Variants in PACRG observed in about 807,000 individuals in gnomAD.
PACRG encodes the protein parkin coregulated.
In PACRG, 29 loss-of-function variants were observed where a neutral mutation model predicts 29.7. The observed-to-expected ratio is 0.98, with a 90% CI of 0.73 to 1.33. The LOEUF is 1.33. Among genes scored for constraint, PACRG ranks in the 40% most tolerant of loss-of-function variants. The probability of loss-of-function intolerance (pLI) is 0.00; values close to 1 mark genes in which losing one functional copy is unlikely to be tolerated. For missense variants in PACRG, 279 were observed against 316.2 expected (o/e 0.88, Z 0.89); for synonymous variants, 116 against 118.7 (o/e 0.98, Z 0.15).
intron 4 of PACRG, among the ~76,000 whole-genome samples, chr6:163,313,473 A>G (rs923642736): frequency 1.1e-4 from 17 of 152,200 alleles, no homozygotes; most frequent in Non-Finnish European, 2.4e-4. Flanking sequence ...TGTGCTGTGT[A>G]GGATTGTAAT....
chr6:163,287,249 C>T (rs1784433740), intron 4 of PACRG, among the ~76,000 whole-genome samples: 1 of 152,130 alleles, frequency 6.6e-6, no homozygotes, highest in Non-Finnish European at 1.5e-5. Flanking sequence ...TTTGGTGTTC[C>T]TTGCAGGTCA....
intron 4 of PACRG, among the ~76,000 whole-genome samples, chr6:163,149,427 G>A (rs1162629692): frequency 6.6e-6 from 1 of 152,148 alleles, no homozygotes; most frequent in African/African-American, 2.4e-5. Context: ...GTGCGGCCTC[G>A]CCCTCCTTCC....
intron 4 of PACRG, among the ~76,000 whole-genome samples, chr6:163,254,104 G>A (rs1036898634): frequency 6.6e-6 from 1 of 152,180 alleles, no homozygotes; most frequent in Non-Finnish European, 1.5e-5. Flanking sequence ...TTGGGCATCG[G>A]GACAGCAGCA....
intron 1 of PACRG, among the ~76,000 whole-genome samples, chr6:162,731,853 T>C (rs1314378153): frequency 6.6e-6 from 1 of 152,106 alleles, no homozygotes; most frequent in Non-Finnish European, 1.5e-5. Flanking sequence ...ATAGCTTAAT[T>C]AAGATGGAAG....
At chr6:162,943,989 G>A (rs775636106) in intron 2 of PACRG, among the ~76,000 whole-genome samples, 24 of 152,250 alleles carry the variant, frequency 1.6e-4, no homozygotes, top group Middle Eastern at 3.4e-3. Context: ...AGCTGGCACC[G>A]GAGAAAGCCA....
intron 2 of PACRG, among the ~76,000 whole-genome samples, chr6:162,925,758 A>G (rs970834732): frequency 6.6e-6 from 1 of 152,150 alleles, no homozygotes; most frequent in African/African-American, 2.4e-5. Flanking sequence ...CAAGACAAGG[A>G]TGCCTTCTCT....
chr6:163,206,430 T>C (rs1780905895), intron 4 of PACRG, among the ~76,000 whole-genome samples: 1 of 152,086 alleles, frequency 6.6e-6, no homozygotes, highest in Non-Finnish European at 1.5e-5. Flanking sequence ...AGAGCTTTTA[T>C]CCTAAGCAAG....
intron 1 of PACRG, among the ~76,000 whole-genome samples, chr6:162,738,773 A>C (rs1272830861): frequency 6.6e-6 from 1 of 152,184 alleles, no homozygotes; most frequent in Non-Finnish European, 1.5e-5. Context: ...CTTTGTAAAC[A>C]TTATTTTCCC....
chr6:163,144,347 T>TAC (rs34737289), intron 4 of PACRG, among the ~76,000 whole-genome samples: 4,138 of 93,870 alleles, frequency 0.044, 122 homozygotes, highest in African/African-American at 0.083. Flanking sequence ...CACACATACA[T>TAC]ACACACACAC....
chr6:162,914,895 A>T (rs1796601152), intron 2 of PACRG, among the ~76,000 whole-genome samples: 1 of 152,190 alleles, frequency 6.6e-6, no homozygotes, highest in East Asian at 1.9e-4. Context: ...AAAATCTTGC[A>T]TCTTGCAGAT....
At chr6:163,135,818 C>T (rs1163970252) in intron 4 of PACRG, among the ~76,000 whole-genome samples, 1 of 152,210 alleles carries the variant, frequency 6.6e-6, no homozygotes, top group African/African-American at 2.4e-5. Context: ...TGCCCAACAT[C>T]TGAATCCTTG....
In PACRG at chr6:163,089,340, T is replaced by G; in HGVS notation, c.545T>G (p.Val182Gly). 1 of 1,614,184 alleles carries G rather than the reference T, an allele frequency of 6.2e-7. No individual in the cohort carries two copies. Reference protein sequence around the residue: ...LQHLVVSAEMVGKALVPYYRQ... With the variant: ...LQHLVVSAEMGGKALVPYYRQ... ...CATCTGGTTGTGTCAGCTGAGATGGTGGGCAAGGCCTTGGTGCCTTATTAC... is the reference window on the plus strand; with the variant it reads ...CATCTGGTTGTGTCAGCTGAGATGGGGGGCAAGGCCTTGGTGCCTTATTAC... The change falls in exon 4 of 5, where the codon GTG becomes GGG. Residue 182 changes from valine to glycine, a missense_variant. Transcript: ENST00000366888.
At chr6:163,169,944 G>C (rs2128346376) in intron 4 of PACRG, among the ~76,000 whole-genome samples, 1 of 152,302 alleles carries the variant, frequency 6.6e-6, no homozygotes, top group East Asian at 1.9e-4. Context: ...CTTTCTCGCT[G>C]TGTCCTCACA....
intron 4 of PACRG, among the ~76,000 whole-genome samples, chr6:163,262,109 T>C (rs1393477130): frequency 6.6e-6 from 1 of 152,168 alleles, no homozygotes; most frequent in African/African-American, 2.4e-5. Flanking sequence ...TATATGAAAG[T>C]AGAGGGCAAA....
chr6:163,215,358 C>T (rs191096768), intron 4 of PACRG, among the ~76,000 whole-genome samples: 1 of 152,234 alleles, frequency 6.6e-6, no homozygotes, highest in African/African-American at 2.4e-5. Flanking sequence ...CTTGGCATGG[C>T]ATATTTTTAT....
At chr6:163,090,692 T>C (rs1006877449) in intron 4 of PACRG, among the ~76,000 whole-genome samples, 5 of 152,186 alleles carry the variant, frequency 3.3e-5, no homozygotes, top group African/African-American at 9.7e-5. Flanking sequence ...AGACTCCCGA[T>C]GTGCACCTTT....
chr6:163,044,893 G>A (rs1039542158), intron 2 of PACRG: 1 of 152,142 alleles, frequency 6.6e-6, no homozygotes, highest in Admixed American at 6.5e-5. Context: ...CTTTTGGAAC[G>A]TTTCAGCTTA....
intron 1 of PACRG, among the ~76,000 whole-genome samples, chr6:162,730,703 A>C (rs1441107435): frequency 6.6e-6 from 1 of 152,080 alleles, no homozygotes; most frequent in Non-Finnish European, 1.5e-5. Flanking sequence ...CTCAATGTCA[A>C]ATATTTTTCT....
intron 4 of PACRG, among the ~76,000 whole-genome samples, chr6:163,238,427 A>G (rs1471560401): frequency 1.3e-5 from 2 of 152,350 alleles, no homozygotes; most frequent in Admixed American, 6.5e-5. Context: ...TCTATAACTT[A>G]TAACAGTATC....
Sources: gnomAD v4.1 joint callset for allele counts (sites outside exome capture counted in the v4.1 genomes callset) on GRCh38, gnomAD v4.1.1 for gene constraint, MANE v1.5 for transcripts, NCBI Gene and HGNC (gene_info 2026-07-23, HGNC 2026-07-21) for gene names.